Variants in ZNF654 observed in about 807,000 individuals in gnomAD.
The protein encoded by ZNF654 is zinc finger protein 654, also known as melanoma-associated antigen.
In ZNF654, 19 loss-of-function variants were observed where a neutral mutation model predicts 95.3. The ratio of observed to expected loss-of-function variants is 0.20; its 90% confidence interval spans 0.14 to 0.29. The LOEUF (loss-of-function observed/expected upper bound fraction) is 0.29. Ranked by LOEUF, ZNF654 falls within the 10% of genes least tolerant of loss-of-function variation. The probability of loss-of-function intolerance (pLI) is 1.00; values close to 1 mark genes in which losing one functional copy is unlikely to be tolerated. For missense variants in ZNF654, 1,046 were observed against 1,341.0 expected (o/e 0.78, Z 3.44); for synonymous variants, 413 against 457.9 (o/e 0.90, Z 1.25).
At chr3:88,100,879 C>G (rs1014662432) in intron 2 of ZNF654, among the ~76,000 whole-genome samples, 2 of 152,142 alleles carry the variant, frequency 1.3e-5, no homozygotes, top group Admixed American at 6.6e-5. Context: ...TTAATGTGTG[C>G]AGCACACCAA....
Position 88,141,922 on chromosome 3 carries a change from G to A in ZNF654, c.*270G>A. 3.2e-6 allele frequency: 1 copy of A among 309,778 alleles called. No homozygotes were observed. 19.2% of individuals were successfully genotyped at this position (309,778 alleles called of 1,614,324 possible). A position where few individuals can be genotyped will look rare whatever the true frequency, so the allele number is the denominator to read the frequency against. ...ATGATTAATAGCAGCAGCATGTTCA[G>A]TTTCGCTTATATGAGAAACATGTTT... On this transcript the variant is annotated 3_prime_UTR_variant, in exon 9 of 9. Coordinates refer to ENST00000636215, the MANE Select transcript of ZNF654 (RefSeq NM_001350134.2).
intron 1 of ZNF654, among the ~76,000 whole-genome samples, chr3:88,081,537 CATTT>C (rs1394581583): frequency 6.6e-6 from 1 of 152,146 alleles, no homozygotes; most frequent in Non-Finnish European, 1.5e-5. Flanking sequence ...TCATTGCTAA[CATTT>C]ATTTAATTAT....
chr3:88,084,660 G>A (rs2107656639), intron 1 of ZNF654, among the ~76,000 whole-genome samples: 1 of 152,314 alleles, frequency 6.6e-6, no homozygotes, highest in Admixed American at 6.5e-5. Context: ...GTCAAGAACT[G>A]TGAAGAGTGA....
chr3:88,116,584 ATATAT>A (rs775508044), intron 3 of ZNF654, among the ~76,000 whole-genome samples: 337 of 151,930 alleles, frequency 2.2e-3, no homozygotes, highest in Non-Finnish European at 3.3e-3. Context: ...ACACATGCAC[ATATAT>A]TATATATATG....
At chr3:88,126,538 C>T (rs1360203743) in intron 4 of ZNF654, among the ~76,000 whole-genome samples, 3 of 143,130 alleles carry the variant, frequency 2.1e-5, no homozygotes, top group African/African-American at 5.1e-5. Context: ...GTATTTTTGT[C>T]ACTTCAGTTA....
intron 2 of ZNF654, among the ~76,000 whole-genome samples, chr3:88,087,091 G>GT (rs1181433169): frequency 1.3e-5 from 2 of 150,008 alleles, no homozygotes; most frequent in African/African-American, 2.5e-5. Flanking sequence ...CCATTGTTTT[G>GT]TTTTTTTGAG....
intron 1 of ZNF654, among the ~76,000 whole-genome samples, chr3:88,074,161 C>G (rs769892161): frequency 6.6e-6 from 1 of 152,044 alleles, no homozygotes; most frequent in African/African-American, 2.4e-5. Flanking sequence ...ATTAAGATCC[C>G]AAATTCTTCC....
chr3:88,143,290 A>G lies in ZNF654; in HGVS notation c.*1638A>G, dbSNP rs918439448. 2 of 152,204 alleles carry G rather than the reference A, an allele frequency of 1.3e-5. No homozygotes were observed. Among genetic ancestry groups the G allele is most frequent in the African/African-American group, 2.4e-5 (1 of 41,430 alleles). The allele number at this position is 152,204 out of a possible 1,614,324, so 9.4% of individuals were successfully genotyped here. On this transcript the variant is annotated 3_prime_UTR_variant, in exon 9 of 9. Transcript: ENST00000636215. ...CATTCACTACTATGCAATGATGGTC[A>G]TAAGTCCATTCCAAATTTAAATTTG...
intron 1 of ZNF654, among the ~76,000 whole-genome samples, chr3:88,078,040 T>G (rs189443079): frequency 2.8e-4 from 42 of 152,342 alleles, no homozygotes; most frequent in African/African-American, 9.9e-4. Context: ...TAAAACATGC[T>G]TAATATGCTA....
In ZNF654 at chr3:88,115,287, C is replaced by T. The variant is rs187414411; in HGVS notation, c.414+2091C>T. On this transcript the variant is annotated intron_variant, in intron 3 of 8. Transcript: ENST00000636215. ...ATTTGAGTTAACTTCTCTTTCCCCC[C>T]GCTGTATTTCAACTGTGAGTTTACC... 8.7e-4 allele frequency among the ~76,000 whole-genome samples: 133 copies of T among 152,296 alleles called. 1 individual carries two copies. Among genetic ancestry groups the T allele is most frequent in the African/African-American group, 2.3e-3 (97 of 41,552 alleles).
At chr3:88,106,531 G>T (rs1379763329) in intron 2 of ZNF654, among the ~76,000 whole-genome samples, 1 of 151,978 alleles carries the variant, frequency 6.6e-6, no homozygotes, top group African/African-American at 2.4e-5. Flanking sequence ...TAGAGACAAG[G>T]TTTCGTTCGC....
intron 2 of ZNF654, among the ~76,000 whole-genome samples, chr3:88,110,707 A>G (rs898423518): frequency 2.0e-5 from 3 of 152,090 alleles, no homozygotes; most frequent in African/African-American, 7.2e-5. Flanking sequence ...ATACAAGTTG[A>G]TCTGTAAACA....
intron 1 of ZNF654, among the ~76,000 whole-genome samples, chr3:88,068,258 C>T (rs1344595061): frequency 6.6e-6 from 1 of 151,886 alleles, no homozygotes; most frequent in Non-Finnish European, 1.5e-5. Flanking sequence ...GAGTTACATT[C>T]ATTCAGGATT....
intron 2 of ZNF654, among the ~76,000 whole-genome samples, chr3:88,089,515 A>T (rs938642551): frequency 1.3e-5 from 2 of 152,008 alleles, no homozygotes; most frequent in African/African-American, 2.4e-5. Flanking sequence ...GTTTTATTAG[A>T]TAACTAAGCC....
chr3:88,126,127 C>T lies in ZNF654; in HGVS notation c.415-7C>T, dbSNP rs1207657531. 1 of 1,493,674 alleles carries T rather than the reference C, an allele frequency of 6.7e-7. No individual in the cohort carries two copies. Among genetic ancestry groups the T allele is most frequent in the Non-Finnish European group, 8.9e-7 (1 of 1,124,656 alleles). 92.5% of individuals were successfully genotyped at this position (1,493,674 alleles called of 1,614,324 possible). ...TTCACAGAGCCAAAATGATTTTTCT[C>T]TCCTAGGAATGCCAGAATCACCTCC... On this transcript the variant is annotated splice_polypyrimidine_tract_variant and splice_region_variant and intron_variant, in intron 3 of 8. Coordinates refer to ENST00000636215, the MANE Select transcript of ZNF654 (RefSeq NM_001350134.2).
intron 6 of ZNF654, among the ~76,000 whole-genome samples, chr3:88,133,088 C>T (rs1706561724): frequency 1.3e-5 from 2 of 152,168 alleles, no homozygotes; most frequent in African/African-American, 4.8e-5. Flanking sequence ...AAACCCCAAG[C>T]TTAATAGTTT....
At position 88,086,280 on chromosome 3, in the gene ZNF654, A is replaced by T. The variant is rs1708332809; in HGVS notation, c.210A>T (p.Arg70Ser). 6.5e-7 allele frequency: 1 copy of T among 1,533,986 alleles called. No homozygotes were observed. The highest frequency in any genetic ancestry group is 1.4e-5 in the African/African-American group (1 of 73,098). ...FCQVVEDYAGRWQVPLPQLQV... is the reference protein window; with the variant it reads ...FCQVVEDYAGSWQVPLPQLQV... Reference sequence around the variant, plus strand: ...AGGTGGTTGAAGATTATGCTGGAAGATGGCAGGTCCCTTTGCCACAGCTTC... The same window carrying T: ...AGGTGGTTGAAGATTATGCTGGAAGTTGGCAGGTCCCTTTGCCACAGCTTC... Residue 70 changes from arginine (R) to serine (S), a missense_variant, in exon 2 of 9, where the codon AGA (arginine) becomes AGT (serine). Physicochemically the swap from Arg to Ser is moderately radical, Grantham distance 110. Transcript: ENST00000636215.
intron 1 of ZNF654, 64 bp downstream of exon 1, chr3:88,059,569 T>C (rs2107571074): frequency 6.9e-7 from 1 of 1,442,802 alleles, no homozygotes; most frequent in East Asian, 2.5e-5. Flanking sequence ...CGTCTCCTGG[T>C]CTTCTCGTCC....
rs1269693504 is a variant in ZNF654 at position 88,143,358 on chromosome 3, A to C, written c.*1706A>C. 6.6e-6 allele frequency: 1 copy of C among 152,294 alleles called. No homozygotes were observed. The highest frequency in any genetic ancestry group is 2.4e-5 in the African/African-American group (1 of 41,428). The allele number at this position is 152,294 out of a possible 1,614,324, so 9.4% of individuals were successfully genotyped here. On this transcript the variant is annotated 3_prime_UTR_variant, in exon 9 of 9. Transcript: ENST00000636215. ...ATATTAGGCTGTGGAATTTACATTT[A>C]GGTAACTAAACACAGCTCATAATTA...
Sources: allele counts gnomAD v4.1 joint callset (sites outside exome capture counted in the v4.1 genomes callset), GRCh38; gene constraint gnomAD v4.1.1; transcripts MANE v1.5; gene names NCBI Gene and HGNC (gene_info 2026-07-23, HGNC 2026-07-21).